Variants in MGLL observed in about 807,000 individuals in gnomAD.
MGLL encodes lysophospholipase homolog.
Under a neutral mutation model 29.1 loss-of-function variants are expected in MGLL, and 7 were observed. That is an observed-to-expected ratio of 0.24 (90% CI 0.14 to 0.45). MGLL has a LOEUF of 0.45. Among genes scored for constraint, MGLL ranks in the 20% least tolerant of loss-of-function variants. The probability of loss-of-function intolerance (pLI) is 0.99; values close to 1 mark genes in which losing one functional copy is unlikely to be tolerated. For synonymous variants in MGLL, 148 were observed against 168.3 expected (o/e 0.88, Z 0.93); for missense variants, 356 against 413.6 (o/e 0.86, Z 1.21).
rs1463215155 is a variant in MGLL at position 127,690,279 on chromosome 3, CCTT to C, written c.*1916_*1918del. ...CTCAGTGCATATTTTACATTTTTCT[CCTT>C]CAAAGAGAAGCCAGGGAGACAAGCT... On this transcript the variant is annotated 3_prime_UTR_variant, in exon 8 of 8. Transcript: ENST00000265052. 6.6e-6 allele frequency: 1 copy of C among 152,216 alleles called. No individual in the cohort carries two copies. The allele number at this position is 152,216 out of a possible 1,614,324, so 9.4% of individuals were successfully genotyped here. A position where few individuals can be genotyped will look rare whatever the true frequency, so the allele number is the denominator to read the frequency against.
intron 2 of MGLL, among the ~76,000 whole-genome samples, chr3:127,818,665 T>C (rs530362403): frequency 9.2e-5 from 14 of 152,288 alleles, no homozygotes; most frequent in African/African-American, 3.4e-4. Context: ...TGCTTGGTGG[T>C]GTAAGGAGAA....
chr3:127,739,999 C>T (rs989434303), intron 3 of MGLL, among the ~76,000 whole-genome samples: 3 of 152,220 alleles, frequency 2.0e-5, no homozygotes, highest in African/African-American at 7.2e-5. Flanking sequence ...TGGGAGCCCG[C>T]TCAGAGGCCT....
At chr3:127,743,372 C>G (rs1397374062) in intron 3 of MGLL, among the ~76,000 whole-genome samples, 1 of 152,020 alleles carries the variant, frequency 6.6e-6, no homozygotes, top group Non-Finnish European at 1.5e-5. Context: ...ACACACTTTC[C>G]TAATGAAAGC....
At chr3:127,780,871 T>C (rs2077112682) in intron 3 of MGLL, among the ~76,000 whole-genome samples, 1 of 152,234 alleles carries the variant, frequency 6.6e-6, no homozygotes, top group Admixed American at 6.5e-5. Context: ...ATTGAAGCTG[T>C]GGGGAAATCA....
intron 2 of MGLL, among the ~76,000 whole-genome samples, chr3:127,807,208 C>A (rs1161756699): frequency 6.6e-6 from 1 of 152,034 alleles, no homozygotes; most frequent in African/African-American, 2.4e-5. Context: ...AAGTTTGGGT[C>A]TTTCTTAAAA....
intron 3 of MGLL, among the ~76,000 whole-genome samples, chr3:127,723,588 C>G (rs1004363286): frequency 6.6e-6 from 1 of 152,080 alleles, no homozygotes; most frequent in African/African-American, 2.4e-5. Flanking sequence ...TCCCAGTGGG[C>G]CCGGGAGTCC....
At chr3:127,752,654 G>A (rs568111434) in intron 3 of MGLL, among the ~76,000 whole-genome samples, 57 of 152,168 alleles carry the variant, frequency 3.7e-4, no homozygotes, top group African/African-American at 1.3e-3. Context: ...TAGTGAGCAA[G>A]CAGAGATATG....
chr3:127,815,440 C>T (rs2077736777), intron 2 of MGLL, among the ~76,000 whole-genome samples: 1 of 152,272 alleles, frequency 6.6e-6, no homozygotes, highest in African/African-American at 2.4e-5. Context: ...GCCCATGCAT[C>T]CTCAGGTACA....
At chr3:127,797,110 C>A (rs1199959201) in intron 2 of MGLL, among the ~76,000 whole-genome samples, 1 of 151,998 alleles carries the variant, frequency 6.6e-6, no homozygotes, top group Non-Finnish European at 1.5e-5. Flanking sequence ...GCTGTGCAGT[C>A]CCCAGGCACG....
At chr3:127,756,173 G>A (rs754692798) in intron 3 of MGLL, among the ~76,000 whole-genome samples, 1 of 152,244 alleles carries the variant, frequency 6.6e-6, no homozygotes, top group Non-Finnish European at 1.5e-5. Context: ...GGGTTGGGGA[G>A]CAGATAGAAG....
rs897908008 is a variant in MGLL, at chr3:127,721,208, G to A, written c.400-45C>T. 3 of 1,523,428 alleles carry A rather than the reference G, an allele frequency of 2.0e-6. No individual in the cohort carries two copies. In the African/African-American group the frequency reaches 4.1e-5, roughly 21 times the overall value. 94.4% of individuals were successfully genotyped at this position (1,523,428 alleles called of 1,614,324 possible). On this transcript the variant is annotated intron_variant, in intron 4 of 7. Coordinates refer to ENST00000265052, the MANE Select transcript of MGLL (RefSeq NM_007283.7). Reference sequence around the variant, plus strand: ...GAGCTGCTGTGTTCGGCTTGCACCAGTGCACACATTTCTAATAAACATGAC... The same window carrying A: ...GAGCTGCTGTGTTCGGCTTGCACCAATGCACACATTTCTAATAAACATGAC...
At chr3:127,695,905 C>G (rs1025619243) in intron 6 of MGLL, among the ~76,000 whole-genome samples, 1 of 152,198 alleles carries the variant, frequency 6.6e-6, no homozygotes, top group Non-Finnish European at 1.5e-5. Context: ...TGGTGTCCAC[C>G]TGGTGGAAGT....
intron 3 of MGLL, among the ~76,000 whole-genome samples, chr3:127,729,761 C>G (rs1274099032): frequency 6.6e-6 from 1 of 152,140 alleles, no homozygotes; most frequent in Non-Finnish European, 1.5e-5. Flanking sequence ...TGAGCCAGCC[C>G]CCATATTATT....
chr3:127,790,736 C>A (rs1394104630), intron 2 of MGLL, among the ~76,000 whole-genome samples: 1 of 152,202 alleles, frequency 6.6e-6, no homozygotes, highest in Admixed American at 6.5e-5. Context: ...TTAGCACAGC[C>A]TGACTCCAGC....
chr3:127,709,957 A>G (rs960844354), intron 6 of MGLL, among the ~76,000 whole-genome samples: 1 of 152,108 alleles, frequency 6.6e-6, no homozygotes, highest in Non-Finnish European at 1.5e-5. Flanking sequence ...ACCCCCAGGG[A>G]TCCCCTTCCT....
chr3:127,695,272 T>C, intron 6 of MGLL, 82 bp from the exon 7 acceptor site: 4 of 1,412,076 alleles, frequency 2.8e-6, no homozygotes, highest in Middle Eastern at 1.9e-4. Context: ...TAGCTTTTCC[T>C]TCTGCTCTGG....
intron 3 of MGLL, among the ~76,000 whole-genome samples, chr3:127,757,859 C>T (rs1203941312): frequency 4.6e-5 from 7 of 152,122 alleles, no homozygotes; most frequent in Non-Finnish European, 1.0e-4. Flanking sequence ...ACAGGAGTGC[C>T]GGGAAGAAAC....
At chr3:127,751,654 T>G (rs1390590991) in intron 3 of MGLL, among the ~76,000 whole-genome samples, 2 of 152,064 alleles carry the variant, frequency 1.3e-5, no homozygotes, top group African/African-American at 4.8e-5. Flanking sequence ...TAAATGGCTG[T>G]TGTCTGAAGC....
In MGLL at chr3:127,727,523, G is replaced by A. The variant is rs569311913; in HGVS notation, c.263-4957C>T. Among the ~76,000 whole-genome samples, 6 of 151,916 alleles carry A rather than the reference G, an allele frequency of 3.9e-5. No homozygotes were observed. The South Asian group carries it at 1.2e-3, about 32-fold the overall frequency. Reference sequence around the variant, plus strand: ...GCCCAGGAGTTTGAGACCAGCCTGGGCAACTTGGCAAAACCCCATCTCTAC... The same window carrying A: ...GCCCAGGAGTTTGAGACCAGCCTGGACAACTTGGCAAAACCCCATCTCTAC... On this transcript the variant is annotated intron_variant, in intron 3 of 7. Transcript: ENST00000265052.
Sources: gnomAD v4.1 joint callset for allele counts (sites outside exome capture counted in the v4.1 genomes callset) on GRCh38, gnomAD v4.1.1 for gene constraint, MANE v1.5 for transcripts, NCBI Gene and HGNC (gene_info 2026-07-23, HGNC 2026-07-21) for gene names.